CYP2C19: variants seen among roughly 807,000 people sequenced by gnomAD.
CYP2C19 encodes cytochrome P450 2C19.
Under a neutral mutation model 40.9 loss-of-function variants are expected in CYP2C19, and 59 were observed. The observed-to-expected ratio is 1.44, with a 90% confidence interval of 1.17 to 1.79. The LOEUF is 1.79. Ranked by LOEUF, CYP2C19 falls within the 40% of genes most tolerant of loss-of-function variation. The pLI is 0.00. For missense variants in CYP2C19, 754 were observed against 596.9 expected (o/e 1.26, Z -2.74); for synonymous variants, 253 against 208.7 (o/e 1.21, Z -1.83).
intron 1 of CYP2C19, among the ~76,000 whole-genome samples, chr10:94,764,530 C>T (rs1848215238): frequency 6.6e-6 from 1 of 152,146 alleles, no homozygotes; most frequent in Non-Finnish European, 1.5e-5. Flanking sequence ...TCTCAATCCC[C>T]CCTTTAAACA....
At chr10:94,836,428 C>A (rs1014627862) in intron 6 of CYP2C19, among the ~76,000 whole-genome samples, 1 of 152,188 alleles carries the variant, frequency 6.6e-6, no homozygotes. Flanking sequence ...AAAAGTCTTG[C>A]CCTGTTGGCA....
At chr10:94,847,952 A>G (rs1369423897) in intron 7 of CYP2C19, among the ~76,000 whole-genome samples, 5 of 151,932 alleles carry the variant, frequency 3.3e-5, no homozygotes, top group Non-Finnish European at 5.9e-5. Flanking sequence ...AATTTGTTGG[A>G]GTTCATTGTA....
At chr10:94,820,263 G>T (rs1238353130) in intron 5 of CYP2C19, among the ~76,000 whole-genome samples, 1 of 151,904 alleles carries the variant, frequency 6.6e-6, no homozygotes, top group Non-Finnish European at 1.5e-5. Flanking sequence ...AGCTATCTAT[G>T]ACAAACCCAC....
chr10:94,813,108 T>C (rs914179666), intron 5 of CYP2C19, among the ~76,000 whole-genome samples: 11 of 152,050 alleles, frequency 7.2e-5, no homozygotes, highest in Non-Finnish European at 7.3e-5. Flanking sequence ...CTAGTTTTTT[T>C]CCTAACAGTC....
intron 5 of CYP2C19, among the ~76,000 whole-genome samples, chr10:94,806,513 C>T (rs910482498): frequency 1.4e-4 from 21 of 151,842 alleles, no homozygotes; most frequent in African/African-American, 4.8e-4. Flanking sequence ...ACATTACATT[C>T]CCATCAGTAG....
intron 6 of CYP2C19, among the ~76,000 whole-genome samples, chr10:94,824,427 G>A (rs1025914858): frequency 6.6e-5 from 10 of 152,220 alleles, no homozygotes; most frequent in South Asian, 2.1e-4. Flanking sequence ...CTGCTAGAAT[G>A]TTCAAAATGG....
intron 8 of CYP2C19, among the ~76,000 whole-genome samples, chr10:94,850,310 C>T (rs957557412): frequency 2.0e-5 from 3 of 152,144 alleles, no homozygotes; most frequent in African/African-American, 4.8e-5. Flanking sequence ...AATTCTGCCT[C>T]TAGATACACC....
At position 94,855,430 on chromosome 10, in the gene CYP2C19, T is replaced by C. The variant is rs1403452775; in HGVS notation, c.*2516T>C. On this transcript the variant is annotated 3_prime_UTR_variant, in exon 9 of 9. Transcript: ENST00000371321. ...TCTCTGCATTTATTTTTATTGTTTGTATTTCTTCCCTAAAATACATATTTC... is the reference window on the plus strand; with the variant it reads ...TCTCTGCATTTATTTTTATTGTTTGCATTTCTTCCCTAAAATACATATTTC... Among the ~76,000 whole-genome samples the C allele has an allele frequency of 6.6e-6, 1 of 152,230 alleles. No individual in the cohort carries two copies. The highest frequency in any genetic ancestry group is 2.4e-5 in the African/African-American group (1 of 41,466).
chr10:94,830,230 A>T (rs1213855488), intron 6 of CYP2C19, among the ~76,000 whole-genome samples: 1 of 152,220 alleles, frequency 6.6e-6, no homozygotes, highest in African/African-American at 2.4e-5. Flanking sequence ...AAGCATGGGC[A>T]ATGGCGGGCG....
chr10:94,849,100 A>T (rs1050706972), intron 7 of CYP2C19, among the ~76,000 whole-genome samples: 2 of 152,184 alleles, frequency 1.3e-5, no homozygotes, highest in Admixed American at 6.5e-5. Flanking sequence ...CCTGTCCAGA[A>T]CTTCCAACAC....
At chr10:94,841,157 G>T (rs957334270) in intron 6 of CYP2C19, among the ~76,000 whole-genome samples, 1 of 152,156 alleles carries the variant, frequency 6.6e-6, no homozygotes, top group African/African-American at 2.4e-5. Context: ...GGAATCTTGG[G>T]CCATGCAGTG....
intron 7 of CYP2C19, among the ~76,000 whole-genome samples, chr10:94,848,071 C>T (rs1354640941): frequency 6.6e-6 from 1 of 152,128 alleles, no homozygotes; most frequent in African/African-American, 2.4e-5. Context: ...TGCAGAAGCT[C>T]TTTAGTTTTA....
chr10:94,839,206 T>A (rs931092655), intron 6 of CYP2C19, among the ~76,000 whole-genome samples: 6 of 152,178 alleles, frequency 3.9e-5, no homozygotes, highest in African/African-American at 1.4e-4. Context: ...GCATCTGTTT[T>A]TCCATCTCTC....
rs141016038 is a variant in CYP2C19, at chr10:94,823,334, A to G, written c.961+2697A>G. ...AGAGAAACTGAGTTTAAGAAGCCCC[A>G]TACTCAGGGACAAAGGGCAGTGCCA... On this transcript the variant is annotated intron_variant, in intron 6 of 8. Transcript: ENST00000371321. 4.7e-3 allele frequency among the ~76,000 whole-genome samples: 712 copies of G among 152,328 alleles called. 4 individuals carry two copies. The highest frequency in any genetic ancestry group is 0.011 in the African/African-American group (467 of 41,568).
At chr10:94,762,943 C>A in intron 1 of CYP2C19, 70 bp downstream of exon 1, 2 of 1,442,800 alleles carry the variant, frequency 1.4e-6, no homozygotes, top group Non-Finnish European at 1.9e-6. Context: ...TAAAGTATAT[C>A]CCTAGAGGTA....
intron 5 of CYP2C19, among the ~76,000 whole-genome samples, chr10:94,813,229 A>T (rs1315984626): frequency 6.6e-6 from 1 of 152,072 alleles, no homozygotes; most frequent in East Asian, 1.9e-4. Context: ...CTGTGTGTTT[A>T]TTCCTCTGGA....
intron 5 of CYP2C19, among the ~76,000 whole-genome samples, chr10:94,807,954 C>T (rs1454672418): frequency 6.6e-6 from 1 of 151,992 alleles, no homozygotes; most frequent in East Asian, 1.9e-4. Flanking sequence ...TTGCCAAGAC[C>T]AATACTCTGA....
At chr10:94,788,671 T>C (rs1412685705) in intron 5 of CYP2C19, among the ~76,000 whole-genome samples, 1 of 152,152 alleles carries the variant, frequency 6.6e-6, no homozygotes, top group Non-Finnish European at 1.5e-5. Flanking sequence ...CTGCAAAGTA[T>C]GTGAACTCAT....
At chr10:94,825,164 A>T (rs1443577059) in intron 6 of CYP2C19, among the ~76,000 whole-genome samples, 1 of 145,524 alleles carries the variant, frequency 6.9e-6, no homozygotes, top group Non-Finnish European at 1.5e-5. Context: ...TCCTTTGGGT[A>T]TATACTCAGT....
Sources: gnomAD v4.1 joint callset for allele counts (sites outside exome capture counted in the v4.1 genomes callset) on GRCh38, gnomAD v4.1.1 for gene constraint, MANE v1.5 for transcripts, NCBI Gene and HGNC (gene_info 2026-07-23, HGNC 2026-07-21) for gene names.